BRD8: variants seen among roughly 807,000 people sequenced by gnomAD.
The protein encoded by BRD8 is bromodomain containing 8, also known as bromodomain-containing protein 8.
In BRD8, 67 loss-of-function variants were observed where a neutral mutation model predicts 143.1. The ratio of observed to expected loss-of-function variants is 0.47; its 90% CI spans 0.38 to 0.57. The LOEUF is 0.57. Ranked by LOEUF, BRD8 falls within the 20% of genes least tolerant of loss-of-function variation. The probability of loss-of-function intolerance (pLI) is 0.00; values close to 1 mark genes in which losing one functional copy is unlikely to be tolerated. For missense variants in BRD8, 1,103 were observed against 1,503.0 expected, an observed-to-expected ratio of 0.73 and a Z score of 4.40; for synonymous variants, 505 against 517.1, an observed-to-expected ratio of 0.98 and a Z score of 0.32.
intron 1 of BRD8, 124 bp from the exon 2 acceptor site, chr5:138,177,791 A>C (rs1476674848): frequency 5.4e-6 from 3 of 552,370 alleles, no homozygotes; most frequent in Non-Finnish European, 6.5e-6. Context: ...GTTAGGACAA[A>C]GTGAGCTACT....
rs1752349653 is a variant in BRD8, at chr5:138,150,981, T to C, written c.2884A>G (p.Ile962Val). 1.2e-6 allele frequency: 2 copies of C among 1,613,552 alleles called. No individual in the cohort carries two copies. The highest frequency in any genetic ancestry group is 2.7e-5 in the African/African-American group (2 of 74,930). ...EVAYLMEPLC[I>V]SSNESSEGCC... ...CCTTCACTTGATTCGTTGCTGCTGA[T>C]GCACAAGGGCTCCATTAAATAAGCT... Residue 962 changes from isoleucine (I) to valine (V), a missense_variant, in exon 22 of 27, where the codon ATC (isoleucine) becomes GTC (valine). Coordinates refer to ENST00000254900, the MANE Select transcript of BRD8 (RefSeq NM_139199.2).
Position 138,164,334 on chromosome 5 carries a change from T to C in BRD8, c.1811A>G (p.Lys604Arg). 2 of 1,614,012 alleles carry C rather than the reference T, an allele frequency of 1.2e-6. No individual in the cohort carries two copies. The highest frequency in any genetic ancestry group is 1.7e-6 in the Non-Finnish European group (2 of 1,179,884). ...ACTTTATTTACCTGACATTTCAAAC[T>C]TGTGCTGAGTCTCTGCCTCTAAAGG... ...EDPLEAETQH[K>R]FEMSDSLKEE... The change falls in exon 13 of 27, where the codon AAG becomes AGG. Residue 604 changes from lysine (K) to arginine (R), a missense_variant. Lys to Arg is a conservative substitution (Grantham distance 26). This residue lies in a region of BRD8 where 75 missense variants were observed against 111.7 expected (regional missense o/e 0.67). Transcript: ENST00000254900.
chr5:138,172,257 G>A (rs1753925690), intron 2 of BRD8, 123 bp from the exon 3 acceptor site: 2 of 693,358 alleles, frequency 2.9e-6, no homozygotes, highest in South Asian at 3.4e-5. Context: ...AGGCGCGGTG[G>A]CTCACGCCTG....
chr5:138,152,799 A>T (rs910140277), intron 20 of BRD8, 39 bp from the exon 21 acceptor site: 14 of 1,584,816 alleles, frequency 8.8e-6, no homozygotes, highest in Non-Finnish European at 1.2e-5. Context: ...AATTCATTCA[A>T]ATAAATATTC....
intron 11 of BRD8, 71 bp downstream of exon 11, chr5:138,165,757 C>A: frequency 6.9e-7 from 1 of 1,448,276 alleles, no homozygotes; most frequent in Non-Finnish European, 9.2e-7. Context: ...AGCAGCAGCA[C>A]CAAAGTGAGG....
At position 138,159,611 on chromosome 5, in the gene BRD8, C is replaced by T; in HGVS notation, c.2533-12G>A. Reference sequence around the variant, plus strand: ...ATTGGGACACTGTCCTGTTAGAGGACAAACAAACACTGATCAGGTTCCACA... The same window carrying T: ...ATTGGGACACTGTCCTGTTAGAGGATAAACAAACACTGATCAGGTTCCACA... On this transcript the variant is annotated splice_polypyrimidine_tract_variant and intron_variant, in intron 19 of 26. Transcript: ENST00000254900. 1.2e-6 allele frequency: 2 copies of T among 1,613,656 alleles called. No individual in the cohort carries two copies. Among genetic ancestry groups the T allele is most frequent in the Non-Finnish European group, 1.7e-6 (2 of 1,179,660 alleles).
chr5:138,173,773 C>G (rs1372951365), intron 2 of BRD8, among the ~76,000 whole-genome samples: 1 of 152,184 alleles, frequency 6.6e-6, no homozygotes, highest in Non-Finnish European at 1.5e-5. Context: ...TATGTTGCCT[C>G]CCTGGCTCAA....
intron 3 of BRD8, among the ~76,000 whole-genome samples, chr5:138,171,851 C>G (rs1034644346): frequency 6.6e-6 from 1 of 152,124 alleles, no homozygotes; most frequent in African/African-American, 2.4e-5. Context: ...AATTCCCAAG[C>G]TTGGGCTCTT....
chr5:138,168,180 G>T, intron 8 of BRD8, 102 bp from the exon 9 acceptor site: 1 of 811,172 alleles, frequency 1.2e-6, no homozygotes, highest in Non-Finnish European at 2.0e-6. Context: ...AAAACTAATA[G>T]CTAATATCCA....
Position 138,145,233 on chromosome 5 carries a change from T to C in BRD8, c.3381A>G (p.Pro1127=), listed in dbSNP as rs2306111. ...GCCTTTCTGACACAGGCTTCAGAAA[T>C]GGACTGCTGAACCTGTTAAGGGACA... The part of the protein sequence containing the change: ...KMIASHRFSS[P]FLKPVSERQA... The change falls in exon 25 of 27, where the codon CCA becomes CCG. Residue 1127 remains proline (P), a synonymous_variant. Coordinates refer to ENST00000254900, the MANE Select transcript of BRD8 (RefSeq NM_139199.2). 870 of 1,613,910 alleles carry C rather than the reference T, an allele frequency of 5.4e-4. 28 individuals are homozygous for C. The East Asian group carries it at 0.019, about 36-fold the overall frequency.
rs1289265023 is a variant in BRD8 at position 138,166,079 on chromosome 5, C to T, written c.1027G>A (p.Glu343Lys). 6.2e-7 allele frequency: 1 copy of T among 1,613,542 alleles called. No individual in the cohort carries two copies. Among genetic ancestry groups the T allele is most frequent in the Non-Finnish European group, 8.5e-7 (1 of 1,179,860 alleles). The change falls in exon 11 of 27, where the codon GAG (glutamate) becomes AAG (lysine). Residue 343 changes from glutamate (E) to lysine (K), a missense_variant. By Grantham distance (56) the Glu-to-Lys change is moderately conservative (BLOSUM62 1). This residue lies in a region of BRD8 where 334 missense variants were observed against 372.5 expected (regional missense o/e 0.90). Transcript: ENST00000254900. ...VSQPDNCVPM[E>K]AVGDPHTVTV... ...ACAGTATGTGGATCCCCCACAGCCTCCATGGGAACACAGTTGTCGGGTTGA... is the reference window on the plus strand; with the variant it reads ...ACAGTATGTGGATCCCCCACAGCCTTCATGGGAACACAGTTGTCGGGTTGA...
At chr5:138,173,938 A>G (rs1429563455) in intron 2 of BRD8, among the ~76,000 whole-genome samples, 1 of 152,072 alleles carries the variant, frequency 6.6e-6, no homozygotes, top group East Asian at 1.9e-4. Context: ...TGGCCTCCCA[A>G]AGTTCTGGGA....
At position 138,169,423 on chromosome 5, in the gene BRD8, C is replaced by A. The variant is rs183058839; in HGVS notation, c.506-65G>T. 1.9e-5 allele frequency: 30 copies of A among 1,557,978 alleles called. No individual in the cohort carries two copies. In the East Asian group the frequency reaches 6.3e-4, roughly 33 times the overall value. On this transcript the variant is annotated intron_variant, in intron 7 of 26. Transcript: ENST00000254900. ...TAAATAAATGAAACTTGACACTAGT[C>A]TGCTATTATACAATAAAGGACAAAT...
chr5:138,176,220 T>TA (rs1162470247), intron 2 of BRD8, among the ~76,000 whole-genome samples: 1,742 of 151,542 alleles, frequency 0.011, 32 homozygotes, highest in African/African-American at 0.04. Context: ...GTCAAGTGAT[T>TA]AAAAAAAACA....
chr5:138,164,121 T>C lies in BRD8; in HGVS notation c.1838A>G (p.Glu613Gly), dbSNP rs767873184. The stretch of plus-strand genomic sequence containing the variant: ...GCTTCCAAAAATAGTCCCTGATTCT[T>C]CTTTCAATGAGTCTGCAGAGGAGAG... ...HKFEMSDSLK[E>G]ESGTIFGSQI... Residue 613 changes from glutamate to glycine, a missense_variant, in exon 14 of 27, where the codon GAA becomes GGA. Physicochemically the swap from Glu to Gly is moderately conservative, Grantham distance 98. Coordinates refer to ENST00000254900, the MANE Select transcript of BRD8 (RefSeq NM_139199.2). 1 of 1,614,118 alleles carries C rather than the reference T, an allele frequency of 6.2e-7. No homozygotes were observed. The highest frequency in any genetic ancestry group is 1.1e-5 in the South Asian group (1 of 91,088).
rs1349210091 is a variant in BRD8, at chr5:138,164,893, C to A, written c.1552G>T (p.Val518Phe). Residue 518 changes from valine to phenylalanine, a missense_variant, in exon 12 of 27, where the codon GTC becomes TTC. This residue lies in a region of BRD8 where 139 missense variants were observed against 139.0 expected (regional missense o/e 1.00). Transcript: ENST00000254900. Reference sequence around the variant, plus strand: ...GCTACTATTTCGGCTCCTGAAATGACTGGCTCTGGTTCTGCAGGTTCCACC... The same window carrying A: ...GCTACTATTTCGGCTCCTGAAATGAATGGCTCTGGTTCTGCAGGTTCCACC... Reference protein sequence around the residue: ...IKVEPAEPEPVISGAEIVAGV... With the variant: ...IKVEPAEPEPFISGAEIVAGV... 5 of 1,614,194 alleles carry A rather than the reference C, an allele frequency of 3.1e-6. No homozygotes were observed. The Admixed American group carries it at 8.3e-5, about 27-fold the overall frequency.
intron 18 of BRD8, 34 bp downstream of exon 18, chr5:138,160,857 A>G: frequency 1.3e-6 from 2 of 1,528,468 alleles, no homozygotes; most frequent in Non-Finnish European, 1.8e-6. Flanking sequence ...TTTTAATTTC[A>G]TCCTTGCTGA....
chr5:138,162,165 A>G lies in BRD8; in HGVS notation c.2088-19T>C. Reference sequence around the variant, plus strand: ...GACAGAGCTGAAACAGAGATACAGCAATTCCACTAGGCACAAGTTAAAAAA... The same window carrying G: ...GACAGAGCTGAAACAGAGATACAGCGATTCCACTAGGCACAAGTTAAAAAA... On this transcript the variant is annotated intron_variant, in intron 15 of 26. Coordinates refer to ENST00000254900, the MANE Select transcript of BRD8 (RefSeq NM_139199.2). 1 of 1,538,416 alleles carries G rather than the reference A, an allele frequency of 6.5e-7. No homozygotes were observed. Among genetic ancestry groups the G allele is most frequent in the Non-Finnish European group, 8.9e-7 (1 of 1,127,422 alleles).
Position 138,161,071 on chromosome 5 carries a change from A to G in BRD8, c.2250-3T>C. 1 of 1,522,894 alleles carries G rather than the reference A, an allele frequency of 6.6e-7. No homozygotes were observed. Among genetic ancestry groups the G allele is most frequent in the South Asian group, 1.2e-5 (1 of 81,094 alleles). The allele number at this position is 1,522,894 out of a possible 1,614,324, so 94.3% of individuals were successfully genotyped here. A position where few individuals can be genotyped will look rare whatever the true frequency, so the allele number is the denominator to read the frequency against. On this transcript the variant is annotated splice_region_variant and splice_polypyrimidine_tract_variant and intron_variant, in intron 17 of 26. Transcript: ENST00000254900. ...TAATAGTTGACAAATCCATAGGCCTAAAAAAAAAGAACAGGGGTAAGTAGC... is the reference window on the plus strand; with the variant it reads ...TAATAGTTGACAAATCCATAGGCCTGAAAAAAAAGAACAGGGGTAAGTAGC...
Sources: gnomAD v4.1 joint callset for allele counts (sites outside exome capture counted in the v4.1 genomes callset) on GRCh38, gnomAD v4.1.1 for gene constraint, gnomAD v4.1.1 regional missense constraint, MANE v1.5 for transcripts, NCBI Gene and HGNC (gene_info 2026-07-23, HGNC 2026-07-21) for gene names.